Variants in ADCY8 observed in about 807,000 individuals in gnomAD.
The protein encoded by ADCY8 is adenylate cyclase type 8.
ADCY8 carries 51 observed loss-of-function variants against 119.7 expected under a neutral mutation model. That is an observed-to-expected ratio of 0.43 (90% CI 0.34 to 0.54). The LOEUF is 0.54. ADCY8 is among the 20% of genes least tolerant of loss of function. ADCY8 has a pLI of 0.03. For missense variants in ADCY8, 1,383 were observed against 1,598.8 expected (o/e 0.87, Z 2.30); for synonymous variants, 665 against 651.0 (o/e 1.02, Z -0.33).
chr8:130,900,724 G>T (rs1327477923), intron 7 of ADCY8, among the ~76,000 whole-genome samples: 2 of 152,168 alleles, frequency 1.3e-5, no homozygotes, highest in African/African-American at 4.8e-5. Context: ...CTCAAGGTCT[G>T]CTTGTGTCTT....
chr8:130,789,568 A>G (rs1007092111), intron 15 of ADCY8, among the ~76,000 whole-genome samples: 11 of 151,790 alleles, frequency 7.2e-5, no homozygotes, highest in Admixed American at 7.2e-4. Flanking sequence ...ACCTCAGTGC[A>G]GTTTAAGAAA....
intron 5 of ADCY8, among the ~76,000 whole-genome samples, chr8:130,917,274 T>C (rs1371987490): frequency 6.6e-6 from 1 of 152,214 alleles, no homozygotes; most frequent in South Asian, 2.1e-4. Context: ...ACTCTAAAGA[T>C]ATAAGCAGTG....
chr8:130,844,965 A>G (rs1287554535), intron 11 of ADCY8, among the ~76,000 whole-genome samples: 2 of 152,236 alleles, frequency 1.3e-5, no homozygotes, highest in Non-Finnish European at 1.5e-5. Flanking sequence ...TTGGCATTAC[A>G]TGCTCAAAGC....
chr8:130,927,909 T>G (rs1820520612), intron 5 of ADCY8, among the ~76,000 whole-genome samples: 1 of 152,196 alleles, frequency 6.6e-6, no homozygotes, highest in Non-Finnish European at 1.5e-5. Context: ...TTGCAACTTT[T>G]TATTGTTTAA....
rs141238583 is a variant in ADCY8, at chr8:130,853,337, G to A, written c.2211-3534C>T. On this transcript the variant is annotated intron_variant, in intron 9 of 17. Coordinates refer to ENST00000286355, the MANE Select transcript of ADCY8 (RefSeq NM_001115.3). ...CCTGGCTCTGGCCACAGATGGCACC[G>A]TCTCAGGTCTGCCTCATTCACCTTT... Among the ~76,000 whole-genome samples the A allele has an allele frequency of 4.9e-4, 75 of 152,322 alleles. 1 individual carries two copies. In the East Asian group the frequency reaches 0.01, roughly 21 times the overall value.
chr8:130,833,616 G>A (rs1202811791), intron 12 of ADCY8, among the ~76,000 whole-genome samples: 2 of 152,162 alleles, frequency 1.3e-5, no homozygotes, highest in Non-Finnish European at 2.9e-5. Flanking sequence ...GCTAGAATCT[G>A]GATCTGGGAC....
chr8:131,039,321 C>G (rs78211074), intron 1 of ADCY8, 53 bp downstream of exon 1: 1 of 1,588,708 alleles, frequency 6.3e-7, no homozygotes, highest in African/African-American at 1.3e-5. Context: ...GCTATATGAT[C>G]AATAACCCGG....
At chr8:131,015,419 T>C (rs1341234606) in intron 1 of ADCY8, among the ~76,000 whole-genome samples, 1 of 152,164 alleles carries the variant, frequency 6.6e-6, no homozygotes. Context: ...TATGCAGGTA[T>C]CCAAAGGAGT....
At chr8:130,989,337 C>T (rs1437528219) in intron 2 of ADCY8, among the ~76,000 whole-genome samples, 1 of 152,132 alleles carries the variant, frequency 6.6e-6, no homozygotes, top group East Asian at 1.9e-4. Context: ...CCTGGCTTCA[C>T]TTACTTCAAA....
intron 14 of ADCY8, among the ~76,000 whole-genome samples, chr8:130,805,013 T>C (rs117949966): frequency 0.17 from 26,532 of 152,024 alleles, 2,913 homozygotes; most frequent in African/African-American, 0.31. Context: ...TCCCAAAGTG[T>C]TGGGATTATA....
chr8:130,927,144 A>AT (rs989994725), intron 5 of ADCY8, among the ~76,000 whole-genome samples: 1 of 152,076 alleles, frequency 6.6e-6, no homozygotes, highest in Non-Finnish European at 1.5e-5. Flanking sequence ...TGGTAGTTCT[A>AT]TTTTTTAAGT....
chr8:130,968,390 C>T (rs560694972), intron 2 of ADCY8, among the ~76,000 whole-genome samples: 6 of 152,226 alleles, frequency 3.9e-5, no homozygotes, highest in East Asian at 3.9e-4. Flanking sequence ...CCAGAAGGGT[C>T]TCGATCTCCT....
chr8:130,791,763 C>T (rs1815432798), intron 15 of ADCY8, among the ~76,000 whole-genome samples: 1 of 152,180 alleles, frequency 6.6e-6, no homozygotes, highest in South Asian at 2.1e-4. Flanking sequence ...CTCAGTGCTC[C>T]TAGTGAGGGC....
Position 130,847,522 on chromosome 8 carries a change from TAAAA to T in ADCY8, c.2413-13_2413-10del, listed in dbSNP as rs5895060. ...TCAAAATCACACCACAGCTGCGGATTAAAAAAAAAAAAAAAAGAACAACAAAAAC... is the reference window on the plus strand; with the variant it reads ...TCAAAATCACACCACAGCTGCGGATTAAAAAAAAAAAAGAACAACAAAAAC... On this transcript the variant is annotated splice_polypyrimidine_tract_variant and intron_variant, in intron 10 of 17. Transcript: ENST00000286355. The T allele has an allele frequency of 1.7e-3, 2,439 of 1,427,202 alleles. No individual in the cohort carries two copies. Among genetic ancestry groups the T allele is most frequent in the Admixed American group, 2.3e-3 (94 of 41,564 alleles). The allele number at this position is 1,427,202 out of a possible 1,614,324, so 88.4% of individuals were successfully genotyped here.
At position 130,952,062 on chromosome 8, in the gene ADCY8, A is replaced by C; in HGVS notation, c.1111-64T>G. The C allele has an allele frequency of 3.8e-6, 6 of 1,587,952 alleles. No homozygotes were observed. In the East Asian group the frequency reaches 1.4e-4, roughly 36 times the overall value. On this transcript the variant is annotated intron_variant, in intron 2 of 17. Transcript: ENST00000286355. ...CAGCGAGTCTCAGATGGGAGGGTGG[A>C]GGGTGGAGAAGTCATGGGGCTTTTG...
At chr8:131,008,733 C>T (rs1034747680) in intron 1 of ADCY8, among the ~76,000 whole-genome samples, 1 of 152,154 alleles carries the variant, frequency 6.6e-6, no homozygotes, top group African/African-American at 2.4e-5. Flanking sequence ...CAGAAGAAGA[C>T]AGGAAAATGT....
rs1377467034 is a variant in ADCY8, at chr8:130,859,199, A to G, written c.2210+8647T>C. On this transcript the variant is annotated intron_variant, in intron 9 of 17. Coordinates refer to ENST00000286355, the MANE Select transcript of ADCY8 (RefSeq NM_001115.3). Reference sequence around the variant, plus strand: ...CATTCTAACCTGTGCATATAAACATATCTATAAATATTCCTACATGTAACC... The same window carrying G: ...CATTCTAACCTGTGCATATAAACATGTCTATAAATATTCCTACATGTAACC... Among the ~76,000 whole-genome samples the G allele has an allele frequency of 2.6e-5, 4 of 152,246 alleles. No homozygotes were observed. The East Asian group carries it at 7.7e-4, about 29-fold the overall frequency.
rs766321520 is a variant in ADCY8, at chr8:130,785,376, C to A, written c.3153+7G>T. ...TGCATTGTGGCTGAGTCCAAAGAGT[C>A]CTTTACCTGTTTTTCAGGTGACAGG... On this transcript the variant is annotated splice_region_variant and intron_variant, in intron 16 of 17. Transcript: ENST00000286355. 6.9e-6 allele frequency: 11 copies of A among 1,602,580 alleles called. No individual in the cohort carries two copies. The African/African-American group carries it at 1.2e-4, about 18-fold the overall frequency.
intron 13 of ADCY8, among the ~76,000 whole-genome samples, chr8:130,814,774 GA>G (rs1310272101): frequency 6.6e-6 from 1 of 152,146 alleles, no homozygotes; most frequent in Non-Finnish European, 1.5e-5. Context: ...CAGTATGGGG[GA>G]AACTGCCCCC....
Sources: gnomAD v4.1 joint callset for allele counts (sites outside exome capture counted in the v4.1 genomes callset) on GRCh38, gnomAD v4.1.1 for gene constraint, MANE v1.5 for transcripts, NCBI Gene and HGNC (gene_info 2026-07-23, HGNC 2026-07-21) for gene names.